The following RAD51B variants were observed in gnomAD, a reference collection of about 807,000 sequenced individuals.
RAD51B encodes the protein DNA repair protein RAD51 homolog 2.
Under a neutral mutation model 42.2 loss-of-function variants are expected in RAD51B, and 38 were observed. That is an observed-to-expected ratio of 0.90 (90% CI 0.70 to 1.18). The LOEUF is 1.18. Ranked by LOEUF, RAD51B falls within the 50% of genes most tolerant of loss-of-function variation. RAD51B has a pLI of 0.00. For synonymous variants in RAD51B, 154 were observed against 145.2 expected (o/e 1.06, Z -0.43); for missense variants, 373 against 400.7 (o/e 0.93, Z 0.59).
chr14:68,019,201 C>G (rs1254607034), intron 7 of RAD51B, among the ~76,000 whole-genome samples: 1 of 151,460 alleles, frequency 6.6e-6, no homozygotes, highest in Non-Finnish European at 1.5e-5. Context: ...TATAAAGGAG[C>G]CTTGCAAGGA....
chr14:67,910,729 G>C (rs1375810532), intron 7 of RAD51B, among the ~76,000 whole-genome samples: 1 of 151,718 alleles, frequency 6.6e-6, no homozygotes, highest in African/African-American at 2.4e-5. Flanking sequence ...ATTGTGCATC[G>C]TTCTGATTTT....
At chr14:68,401,462 G>A (rs1190327169) in intron 8 of RAD51B, among the ~76,000 whole-genome samples, 3 of 152,284 alleles carry the variant, frequency 2.0e-5, no homozygotes, top group African/African-American at 7.2e-5. Context: ...CTTGTGCTAT[G>A]GAGGATCCAT....
intron 8 of RAD51B, among the ~76,000 whole-genome samples, chr14:68,331,617 A>G (rs1404403397): frequency 6.6e-6 from 1 of 151,972 alleles, no homozygotes; most frequent in Non-Finnish European, 1.5e-5. Context: ...GGGTTCTGCA[A>G]TTTCCTGGGC....
intron 7 of RAD51B, among the ~76,000 whole-genome samples, chr14:68,274,705 ACTCTC>A (rs1309079581): frequency 6.6e-6 from 1 of 151,978 alleles, no homozygotes; most frequent in African/African-American, 2.4e-5. Context: ...TTACTTCCTT[ACTCTC>A]CTTTTATTTG....
At chr14:68,169,159 C>A (rs1044129944) in intron 7 of RAD51B, among the ~76,000 whole-genome samples, 3 of 152,136 alleles carry the variant, frequency 2.0e-5, no homozygotes, top group Admixed American at 6.5e-5. Flanking sequence ...GTCTCTTTTT[C>A]TTTTAATCTG....
downstream of RAD51B, among the ~76,000 whole-genome samples, chr14:68,598,200 A>G (rs1891080413): frequency 6.6e-6 from 1 of 152,148 alleles, no homozygotes; most frequent in Non-Finnish European, 1.5e-5. Context: ...TCCTGTTGAT[A>G]TCATTGTCAG....
intron 1 of RAD51B, chr14:67,822,287 C>T (rs1477306373): frequency 6.6e-6 from 1 of 152,066 alleles, no homozygotes; most frequent in African/African-American, 2.4e-5. Flanking sequence ...TTTTTTAGCT[C>T]TGTGAAGATA....
chr14:68,656,261 G>A (rs1382733782), intron 11 of RAD51B, among the ~76,000 whole-genome samples: 1 of 152,142 alleles, frequency 6.6e-6, no homozygotes. Flanking sequence ...GACAATCTGG[G>A]GCAGGGTTCT....
At chr14:68,153,658 G>A (rs1360649085) in intron 7 of RAD51B, among the ~76,000 whole-genome samples, 1 of 151,956 alleles carries the variant, frequency 6.6e-6, no homozygotes, top group African/African-American at 2.4e-5. Context: ...GTCTATTCAT[G>A]TCCTTTTTAA....
intron 11 of RAD51B, among the ~76,000 whole-genome samples, chr14:68,651,991 G>A (rs1389096910): frequency 1.3e-5 from 2 of 152,140 alleles, no homozygotes; most frequent in African/African-American, 4.8e-5. Flanking sequence ...TGGGAATGGG[G>A]GCATGAGTTG....
chr14:68,513,026 T>C (rs1885842482), intron 10 of RAD51B, among the ~76,000 whole-genome samples: 1 of 152,000 alleles, frequency 6.6e-6, no homozygotes, highest in Non-Finnish European at 1.5e-5. Context: ...AGCCAGAGAC[T>C]GGAGTAGAGT....
Position 68,142,400 on chromosome 14 carries a change from G to T in RAD51B, c.757-149484G>T, listed in dbSNP as rs1397749754. On this transcript the variant is annotated intron_variant, in intron 7 of 10. Coordinates refer to ENST00000471583, the MANE Select transcript of RAD51B (RefSeq NM_133510.4). ...GAAATTATTTCCATTGGCAAAAAAA[G>T]TTATGAAATGATTTCTATAATATAG... Among the ~76,000 whole-genome samples, 6 of 152,252 alleles carry T rather than the reference G, an allele frequency of 3.9e-5. No homozygotes were observed. In the East Asian group the frequency reaches 9.6e-4, roughly 24 times the overall value.
intron 7 of RAD51B, among the ~76,000 whole-genome samples, chr14:68,067,368 G>A (rs1331414224): frequency 1.3e-5 from 2 of 151,352 alleles, no homozygotes; most frequent in African/African-American, 2.4e-5. Context: ...GGAGGCTGAG[G>A]CAGCAGAATT....
intron 7 of RAD51B, among the ~76,000 whole-genome samples, chr14:68,171,243 G>A (rs1280715057): frequency 6.6e-6 from 1 of 152,154 alleles, no homozygotes; most frequent in African/African-American, 2.4e-5. Flanking sequence ...CATTTCTGTA[G>A]CAGAATCTTA....
intron 7 of RAD51B, among the ~76,000 whole-genome samples, chr14:68,259,721 A>G (rs567610685): frequency 2.5e-4 from 38 of 152,294 alleles, no homozygotes; most frequent in African/African-American, 8.7e-4. Flanking sequence ...AGTTGAGCTC[A>G]TGGCACTTTA....
chr14:67,872,361 C>T (rs1761076229), intron 5 of RAD51B, among the ~76,000 whole-genome samples: 4 of 85,004 alleles, frequency 4.7e-5, no homozygotes, highest in African/African-American at 1.4e-4. Flanking sequence ...GAATAAAATA[C>T]CTAGGAATCC....
intron 7 of RAD51B, among the ~76,000 whole-genome samples, chr14:68,108,635 A>G (rs767506081): frequency 2.0e-5 from 3 of 151,944 alleles, no homozygotes; most frequent in Non-Finnish European, 2.9e-5. Flanking sequence ...GACAGTGACT[A>G]CTAATGAGTA....
intron 3 of RAD51B, among the ~76,000 whole-genome samples, chr14:67,830,371 G>A (rs2040993986): frequency 6.6e-6 from 1 of 151,984 alleles, no homozygotes; most frequent in Admixed American, 6.6e-5. Flanking sequence ...AGGTTATAGT[G>A]TTGATTAATA....
At position 67,826,892 on chromosome 14, in the gene RAD51B, A is replaced by G. The variant is rs150318472; in HGVS notation, c.198+1315A>G. Among the ~76,000 whole-genome samples, 643 of 152,206 alleles carry G rather than the reference A, an allele frequency of 4.2e-3. 6 individuals carry two copies. Among genetic ancestry groups the G allele is most frequent in the Non-Finnish European group, 4.2e-3 (289 of 68,006 alleles). ...GAGATGGGGTTTTGCCACATAGCCTAGACTGTTCTTGAACTTATGAGCTCA... is the reference window on the plus strand; with the variant it reads ...GAGATGGGGTTTTGCCACATAGCCTGGACTGTTCTTGAACTTATGAGCTCA... On this transcript the variant is annotated intron_variant, in intron 3 of 10. Coordinates refer to ENST00000471583, the MANE Select transcript of RAD51B (RefSeq NM_133510.4).
Sources: allele counts gnomAD v4.1 joint callset (sites outside exome capture counted in the v4.1 genomes callset), GRCh38; gene constraint gnomAD v4.1.1; transcripts MANE v1.5; gene names NCBI Gene and HGNC (gene_info 2026-07-23, HGNC 2026-07-21).